RAB3IL1: variants seen among roughly 807,000 people sequenced by gnomAD.
RAB3IL1 encodes the protein guanine nucleotide exchange factor for Rab-3A.
RAB3IL1 carries 37 observed loss-of-function variants against 49.2 expected under a neutral mutation model. The observed-to-expected ratio is 0.75, with a 90% CI of 0.58 to 0.99. RAB3IL1 has a LOEUF of 0.99. RAB3IL1 is among the 50% of genes least tolerant of loss of function. RAB3IL1 has a pLI of 0.00. For synonymous variants in RAB3IL1, 193 were observed against 213.9 expected, an observed-to-expected ratio of 0.90 and a Z score of 0.85; for missense variants, 484 against 513.0, an observed-to-expected ratio of 0.94 and a Z score of 0.55.
the RAB3IL1 span, among the ~76,000 whole-genome samples, chr11:61,932,001 A>C: frequency 0.014 from 2,085 of 152,220 alleles, 55 homozygotes; most frequent in African/African-American, 0.047. Flanking sequence ...CCTGTAATCC[A>C]AGCACTTTGG....
chr11:61,925,101 C>T (rs981917793), upstream of RAB3IL1, among the ~76,000 whole-genome samples: 3 of 152,140 alleles, frequency 2.0e-5, no homozygotes, highest in South Asian at 2.1e-4. Context: ...TGCAGCGGCC[C>T]GACAGTCCTT....
intron 1 of RAB3IL1, among the ~76,000 whole-genome samples, chr11:61,911,892 C>A (rs900469433): frequency 6.6e-6 from 1 of 152,124 alleles, no homozygotes; most frequent in African/African-American, 2.4e-5. Context: ...CTCACCCCAC[C>A]AGGCCCACCC....
chr11:61,913,171 G>A (rs1257768737), intron 1 of RAB3IL1, among the ~76,000 whole-genome samples: 1 of 152,132 alleles, frequency 6.6e-6, no homozygotes, highest in Non-Finnish European at 1.5e-5. Flanking sequence ...ATGAGGGGCT[G>A]TCAGGGAGGA....
intron 8 of RAB3IL1, among the ~76,000 whole-genome samples, chr11:61,901,955 C>T (rs906119619): frequency 6.6e-6 from 1 of 152,240 alleles, no homozygotes; most frequent in African/African-American, 2.4e-5. Flanking sequence ...AAACCACTGC[C>T]CTTGGCTTGG....
chr11:61,899,303 G>T lies in RAB3IL1; in HGVS notation c.1066+11C>A. ...GTGCGATCCCTGCACCGGCCACCAG[G>T]GGGCGCTCACCGTCCTGCCGCACCA... On this transcript the variant is annotated intron_variant, in intron 9 of 9. Transcript: ENST00000394836. 2 of 1,603,382 alleles carry T rather than the reference G, an allele frequency of 1.2e-6. No individual in the cohort carries two copies. The highest frequency in any genetic ancestry group is 1.1e-5 in the South Asian group (1 of 90,720).
chr11:61,907,731 C>T (rs1223191098), intron 2 of RAB3IL1, 71 bp from the exon 3 acceptor site: 10 of 1,374,700 alleles, frequency 7.3e-6, no homozygotes, highest in Middle Eastern at 3.7e-4. Flanking sequence ...ACCAGGCCCA[C>T]CGGACCAGGT....
At chr11:61,919,846 C>T (rs1485382895), upstream of RAB3IL1, among the ~76,000 whole-genome samples, 3 of 152,210 alleles carry the variant, frequency 2.0e-5, no homozygotes, top group Non-Finnish European at 4.4e-5. Flanking sequence ...ACAGGTGTGT[C>T]CTCAGCTCAC....
chr11:61,944,842 C>A, the RAB3IL1 span, among the ~76,000 whole-genome samples: 2 of 152,168 alleles, frequency 1.3e-5, no homozygotes, highest in Non-Finnish European at 2.9e-5. Context: ...GGATTACAGG[C>A]ATGCGCCACC....
chr11:61,919,588 A>C (rs1292720494), upstream of RAB3IL1, among the ~76,000 whole-genome samples: 1 of 152,150 alleles, frequency 6.6e-6, no homozygotes, highest in Non-Finnish European at 1.5e-5. Flanking sequence ...TGGCAGCTGC[A>C]GCTGTGTGCA....
At chr11:61,918,224 G>T (rs543963044), upstream of RAB3IL1, among the ~76,000 whole-genome samples, 11 of 152,100 alleles carry the variant, frequency 7.2e-5, no homozygotes, top group South Asian at 1.9e-3. Context: ...CAGACGACTG[G>T]TCTACCTGTC....
At chr11:61,928,523 A>T in the RAB3IL1 span, among the ~76,000 whole-genome samples, 1 of 151,724 alleles carries the variant, frequency 6.6e-6, no homozygotes, top group Non-Finnish European at 1.5e-5. Flanking sequence ...GACCCTCAAA[A>T]TACATGGAGC....
chr11:61,907,349 G>A (rs73491241), intron 4 of RAB3IL1, 44 bp downstream of exon 4: 41 of 1,598,610 alleles, frequency 2.6e-5, no homozygotes, highest in Non-Finnish European at 3.2e-5. Context: ...CGGGAGGCAG[G>A]GGGGGTGCCT....
At position 61,904,777 on chromosome 11, in the gene RAB3IL1, A is replaced by G. The variant is rs1316024030; in HGVS notation, c.763T>C (p.Cys255Arg). ...ERVYREDVGPCLDFTMQELSV... is the reference protein window; with the variant it reads ...ERVYREDVGPRLDFTMQELSV... ...ACCTCCTGCATTGTGAAGTCCAGGCAGGGGCCCACGTCCTCTCGGTACACC... is the reference window on the plus strand; with the variant it reads ...ACCTCCTGCATTGTGAAGTCCAGGCGGGGGCCCACGTCCTCTCGGTACACC... The change falls in exon 6 of 10, where the codon TGC (cysteine) becomes CGC (arginine). Residue 255 changes from cysteine to arginine, a missense_variant. Cys to Arg is a radical substitution (Grantham distance 180). Transcript: ENST00000394836. 1 of 1,607,806 alleles carries G rather than the reference A, an allele frequency of 6.2e-7. No homozygotes were observed. Among genetic ancestry groups the G allele is most frequent in the African/African-American group, 1.3e-5 (1 of 74,864 alleles).
Position 61,898,077 on chromosome 11 carries a change from G to A in RAB3IL1, c.*201C>T. 1 of 572,890 alleles carries A rather than the reference G, an allele frequency of 1.7e-6. No homozygotes were observed. Among genetic ancestry groups the A allele is most frequent in the Non-Finnish European group, 3.1e-6 (1 of 321,038 alleles). The allele number at this position is 572,890 out of a possible 1,614,324, so 35.5% of individuals were successfully genotyped here. ...CAGAACCCAGTGGGGAAGAGAGGGGGGTCTTGCCGTGAAGTCCAGGCCCGT... is the reference window on the plus strand; with the variant it reads ...CAGAACCCAGTGGGGAAGAGAGGGGAGTCTTGCCGTGAAGTCCAGGCCCGT... On this transcript the variant is annotated 3_prime_UTR_variant, in exon 10 of 10. Transcript: ENST00000394836. The surrounding 1 kb of genome is among the most constrained non-coding windows in gnomAD (Gnocchi z 5.1).
At chr11:61,935,870 T>C in the RAB3IL1 span, among the ~76,000 whole-genome samples, 1 of 151,000 alleles carries the variant, frequency 6.6e-6, no homozygotes, top group African/African-American at 2.4e-5. Context: ...GAGAACTATA[T>C]CTCACTAAAT....
At chr11:61,940,808 T>TG in the RAB3IL1 span, among the ~76,000 whole-genome samples, 1 of 151,844 alleles carries the variant, frequency 6.6e-6, no homozygotes, top group Non-Finnish European at 1.5e-5. Context: ...TAGTCCCAGC[T>TG]ACTCAGGAGG....
chr11:61,937,650 G>C, the RAB3IL1 span, among the ~76,000 whole-genome samples: 1 of 151,156 alleles, frequency 6.6e-6, no homozygotes, highest in African/African-American at 2.4e-5. Flanking sequence ...TAAAAGAAAA[G>C]AAAAGAAGGG....
chr11:61,912,237 C>G (rs11230824), intron 1 of RAB3IL1, among the ~76,000 whole-genome samples: 6 of 152,160 alleles, frequency 3.9e-5, no homozygotes, highest in Admixed American at 1.3e-4. Flanking sequence ...GCAGAAACCC[C>G]GACCCAGGGC....
upstream of RAB3IL1, among the ~76,000 whole-genome samples, chr11:61,922,491 C>T (rs1384475890): frequency 2.0e-5 from 3 of 151,992 alleles, no homozygotes; most frequent in Admixed American, 6.5e-5. Flanking sequence ...CATTGCACTC[C>T]AGCCTGGGCA....
Sources: allele counts gnomAD v4.1 joint callset (sites outside exome capture counted in the v4.1 genomes callset), GRCh38; gene constraint gnomAD v4.1.1; non-coding constraint Gnocchi (gnomAD v3.1); transcripts MANE v1.5; gene names NCBI Gene and HGNC (gene_info 2026-07-23, HGNC 2026-07-21).